Variants in ZMYM4 observed in about 807,000 individuals in gnomAD.
ZMYM4 encodes zinc finger MYM-type containing 4.
ZMYM4 carries 31 observed loss-of-function variants against 183.2 expected under a neutral mutation model. The ratio of observed to expected loss-of-function variants is 0.17; its 90% CI spans 0.13 to 0.23. The LOEUF is 0.23. Among genes scored for constraint, ZMYM4 ranks in the 10% least tolerant of loss-of-function variants. ZMYM4 has a pLI of 1.00. For missense variants in ZMYM4, 1,273 were observed against 1,840.3 expected, an observed-to-expected ratio of 0.69 and a Z score of 5.64; for synonymous variants, 592 against 631.2, an observed-to-expected ratio of 0.94 and a Z score of 0.93.
intron 7 of ZMYM4, among the ~76,000 whole-genome samples, chr1:35,375,160 C>T (rs1644307992): frequency 2.0e-5 from 3 of 151,940 alleles, no homozygotes; most frequent in African/African-American, 7.3e-5. Flanking sequence ...TACTTTTCTC[C>T]TACTTCTCAT....
At chr1:35,350,633 T>C (rs1473968218) in intron 2 of ZMYM4, 1 of 202,654 alleles carries the variant, frequency 4.9e-6, no homozygotes, top group African/African-American at 2.4e-5. Flanking sequence ...ATGCTTTGAT[T>C]AAAAACAAAA....
At chr1:35,368,472 T>C (rs1395279988) in intron 5 of ZMYM4, among the ~76,000 whole-genome samples, 1 of 152,126 alleles carries the variant, frequency 6.6e-6, no homozygotes, top group African/African-American at 2.4e-5. Flanking sequence ...CTACTGAGAG[T>C]TAATAGTGTT....
chr1:35,356,512 AATTAT>A (rs1039230876), intron 2 of ZMYM4, among the ~76,000 whole-genome samples: 35 of 152,264 alleles, frequency 2.3e-4, no homozygotes, highest in Admixed American at 2.3e-3. Flanking sequence ...CAATTTTTCC[AATTAT>A]ATTATTGCCT....
rs1334687051 is a variant in ZMYM4 at position 35,385,448 on chromosome 1, G to A, written c.1576G>A (p.Ala526Thr). 6.2e-7 allele frequency: 1 copy of A among 1,603,290 alleles called. No individual in the cohort carries two copies. Among genetic ancestry groups the A allele is most frequent in the Non-Finnish European group, 8.5e-7 (1 of 1,177,432 alleles). The change falls in exon 10 of 30, where the codon GCC (alanine) becomes ACC (threonine). Residue 526 changes from alanine (A) to threonine (T), a missense_variant. By Grantham distance (58) the Ala-to-Thr change is moderately conservative. Around this residue, in one of 6 missense-constraint regions of ZMYM4, gnomAD observed 319 missense variants for 518.1 expected, o/e 0.62. Coordinates refer to ENST00000314607, the MANE Select transcript of ZMYM4 (RefSeq NM_005095.3). The part of the protein sequence containing the change: ...SCITAYKQKS[A>T]KITPCALCKS... The stretch of plus-strand genomic sequence containing the variant: ...TGTTTTATTCTCTTAATAGAAATCA[G>A]CCAAAATTACACCGTGTGCGCTTTG...
intron 5 of ZMYM4, among the ~76,000 whole-genome samples, chr1:35,365,300 T>C (rs1644047290): frequency 6.6e-6 from 1 of 150,916 alleles, no homozygotes; most frequent in African/African-American, 2.4e-5. Flanking sequence ...AGTTGTTTAA[T>C]TTTAAAAATA....
intron 1 of ZMYM4, among the ~76,000 whole-genome samples, chr1:35,308,086 G>C (rs1041128322): frequency 6.6e-6 from 1 of 152,152 alleles, no homozygotes; most frequent in African/African-American, 2.4e-5. Flanking sequence ...CCACCTCCTG[G>C]GTTCAAGCAA....
chr1:35,412,452 G>A (rs1639952312), intron 26 of ZMYM4, among the ~76,000 whole-genome samples: 1 of 152,100 alleles, frequency 6.6e-6, no homozygotes, highest in African/African-American at 2.4e-5. Context: ...GACGAAGAAT[G>A]GCAAGGATAG....
rs567559954 is a variant in ZMYM4, at chr1:35,311,374, A to G, written c.40-13986A>G. 1.1e-4 allele frequency among the ~76,000 whole-genome samples: 16 copies of G among 151,590 alleles called. 2 individuals carry two copies. The highest frequency in any genetic ancestry group is 3.4e-4 in the African/African-American group (14 of 41,276). On this transcript the variant is annotated intron_variant, in intron 1 of 29. Coordinates refer to ENST00000314607, the MANE Select transcript of ZMYM4 (RefSeq NM_005095.3). ...GAGGCGGAGGTTTCAGTGAGCCGAT[A>G]TCATGCCATTGCACTCCAGCCTCGG... is the stretch of plus-strand genomic sequence containing the variant.
At chr1:35,374,529 G>A (rs923608647) in intron 7 of ZMYM4, among the ~76,000 whole-genome samples, 3 of 151,686 alleles carry the variant, frequency 2.0e-5, no homozygotes, top group African/African-American at 7.3e-5. Context: ...GCTGGGCATG[G>A]TGGCATGCAC....
intron 1 of ZMYM4, among the ~76,000 whole-genome samples, chr1:35,311,705 A>G (rs1641809402): frequency 6.6e-6 from 1 of 152,196 alleles, no homozygotes; most frequent in South Asian, 2.1e-4. Context: ...TATATTGAAA[A>G]CCGTGTAATA....
Position 35,405,409 on chromosome 1 carries a change from C to T in ZMYM4, c.3737C>T (p.Pro1246Leu). 6.2e-7 allele frequency: 1 copy of T among 1,613,580 alleles called. No individual in the cohort carries two copies. The highest frequency in any genetic ancestry group is 8.5e-7 in the Non-Finnish European group (1 of 1,179,868). Residue 1246 changes from proline (P) to leucine (L), a missense_variant, in exon 25 of 30, where the codon CCC becomes CTC. Physicochemically the swap from Pro to Leu is moderately conservative, Grantham distance 98. Transcript: ENST00000314607. ...EQASSSPRSD[P>L]LGSTQDHALS... ...GCCTCATCTAGCCCACGTTCTGACC[C>T]CTTAGGAAGTACTCAAGACCATGCA...
intron 7 of ZMYM4, among the ~76,000 whole-genome samples, chr1:35,376,813 A>G (rs548479808): frequency 5.1e-4 from 78 of 152,122 alleles, no homozygotes; most frequent in African/African-American, 1.8e-3. Flanking sequence ...GGCGTGAGCC[A>G]TCACACCCGG....
chr1:35,395,935 G>GT (rs1401245225), intron 18 of ZMYM4, among the ~76,000 whole-genome samples: 1 of 152,044 alleles, frequency 6.6e-6, no homozygotes, highest in Admixed American at 6.5e-5. Flanking sequence ...CTTTCTCCAA[G>GT]TTTTTTTCCA....
chr1:35,361,358 AT>A (rs370667098), intron 4 of ZMYM4, 103 bp downstream of exon 4: 63,862 of 836,882 alleles, frequency 0.076, no homozygotes, highest in South Asian at 0.094. Flanking sequence ...TAGAGCACTG[AT>A]TTTTTTTTTT....
intron 2 of ZMYM4, among the ~76,000 whole-genome samples, chr1:35,342,342 G>A (rs927974076): frequency 6.6e-5 from 10 of 151,420 alleles, no homozygotes. Flanking sequence ...TTTATTTTTT[G>A]TAGAGAGAAG....
intron 27 of ZMYM4, 109 bp downstream of exon 27, chr1:35,414,192 A>G (rs1033163400): frequency 7.0e-6 from 5 of 712,248 alleles, no homozygotes; most frequent in Non-Finnish European, 1.2e-5. Flanking sequence ...CCAGATTTAT[A>G]CCATATTTGG....
intron 1 of ZMYM4, among the ~76,000 whole-genome samples, chr1:35,313,372 CT>C: frequency 1.2e-5 from 1 of 82,712 alleles, no homozygotes; most frequent in African/African-American, 3.2e-5. Context: ...TTATCTGTCA[CT>C]TTTTCTTTTT....
intron 1 of ZMYM4, among the ~76,000 whole-genome samples, chr1:35,308,518 T>C (rs1641650061): frequency 1.3e-5 from 2 of 152,204 alleles, no homozygotes; most frequent in South Asian, 2.1e-4. Flanking sequence ...TAGTCTACTT[T>C]AGTGTTCCGC....
At chr1:35,307,222 C>CT (rs765354060) in intron 1 of ZMYM4, among the ~76,000 whole-genome samples, 2 of 152,098 alleles carry the variant, frequency 1.3e-5, no homozygotes, top group African/African-American at 2.4e-5. Flanking sequence ...GATAGAGAGA[C>CT]TAACTGAATT....
Sources: gnomAD v4.1 joint callset for allele counts (sites outside exome capture counted in the v4.1 genomes callset) on GRCh38, gnomAD v4.1.1 for gene constraint, gnomAD v4.1.1 regional missense constraint, MANE v1.5 for transcripts, NCBI Gene and HGNC (gene_info 2026-07-23, HGNC 2026-07-21) for gene names.